The following COX10 variants were observed in gnomAD, a reference collection of about 807,000 sequenced individuals.
COX10 encodes protoheme IX farnesyltransferase, mitochondrial.
A neutral mutation model predicts 37.3 loss-of-function variants in COX10; 27 were observed. The ratio of observed to expected loss-of-function variants is 0.72; its 90% confidence interval spans 0.53 to 1.00. COX10 has a LOEUF of 1.00. Among genes scored for constraint, COX10 ranks in the 50% least tolerant of loss-of-function variants. COX10 has a pLI of 0.00. For synonymous variants in COX10, 222 were observed against 229.1 expected, an observed-to-expected ratio of 0.97 and a Z score of 0.28; for missense variants, 475 against 563.2, an observed-to-expected ratio of 0.84 and a Z score of 1.59.
In COX10 at chr17:14,176,574, A is replaced by C. The variant is rs565575290; in HGVS notation, c.696-15415A>C. 8.0e-4 allele frequency among the ~76,000 whole-genome samples: 122 copies of C among 152,296 alleles called. 1 individual carries two copies. The Middle Eastern group carries it at 0.01, about 13-fold the overall frequency. ...CTCTTAATTTAACTGAGTGATTCTC[A>C]AACTCTAGTGAACACAGTCATTATT... On this transcript the variant is annotated intron_variant, in intron 5 of 6. Coordinates refer to ENST00000261643, the MANE Select transcript of COX10 (RefSeq NM_001303.4).
intron 4 of COX10, among the ~76,000 whole-genome samples, chr17:14,113,096 C>T (rs1048979726): frequency 6.6e-6 from 1 of 152,162 alleles, no homozygotes; most frequent in African/African-American, 2.4e-5. Context: ...CTTTCGCTGT[C>T]CACGTCCGAA....
intron 5 of COX10, among the ~76,000 whole-genome samples, chr17:14,184,060 CTA>C (rs1485807823): frequency 6.6e-6 from 1 of 152,126 alleles, no homozygotes; most frequent in Non-Finnish European, 1.5e-5. Context: ...TAAGACAACT[CTA>C]TAATACCTCC....
intron 3 of COX10, among the ~76,000 whole-genome samples, chr17:14,086,894 G>A (rs151278011): frequency 1.1e-4 from 16 of 152,006 alleles, no homozygotes; most frequent in East Asian, 5.8e-4. Flanking sequence ...ATAATTTTCC[G>A]CTTCATTCTG....
At chr17:14,197,893 G>T (rs1265520756) in intron 6 of COX10, among the ~76,000 whole-genome samples, 1 of 152,194 alleles carries the variant, frequency 6.6e-6, no homozygotes, top group Non-Finnish European at 1.5e-5. Context: ...GTCTATAAAG[G>T]TAATCATTAT....
chr17:14,090,898 T>C (rs1219847572), intron 3 of COX10, among the ~76,000 whole-genome samples: 1 of 152,190 alleles, frequency 6.6e-6, no homozygotes, highest in East Asian at 1.9e-4. Context: ...GACTATTACA[T>C]TTCCATTGCC....
chr17:14,144,564 C>T lies in COX10; in HGVS notation c.625-15313C>T, dbSNP rs144848482. 1.3e-3 allele frequency among the ~76,000 whole-genome samples: 202 copies of T among 152,184 alleles called. 1 individual carries two copies. The highest frequency in any genetic ancestry group is 3.2e-3 in the African/African-American group (133 of 41,492). On this transcript the variant is annotated intron_variant, in intron 4 of 6. Transcript: ENST00000261643. ...TTTTGCAACCTAAATAGTCTGTTAA[C>T]GTTAGAAGTTTTTAGTGAGCTTTAA...
chr17:14,142,650 T>C (rs928721901), intron 4 of COX10, among the ~76,000 whole-genome samples: 2 of 152,226 alleles, frequency 1.3e-5, no homozygotes, highest in African/African-American at 4.8e-5. Context: ...TTTTCTTTAT[T>C]GGAAACTCTT....
At chr17:14,074,959 A>C (rs997086633) in intron 2 of COX10, among the ~76,000 whole-genome samples, 3 of 152,226 alleles carry the variant, frequency 2.0e-5, no homozygotes, top group Non-Finnish European at 4.4e-5. Context: ...AACATAAGTC[A>C]ATCCAGGTTG....
At chr17:14,148,984 A>G (rs534529302) in intron 4 of COX10, among the ~76,000 whole-genome samples, 40 of 148,306 alleles carry the variant, frequency 2.7e-4, no homozygotes, top group Admixed American at 5.4e-4. Flanking sequence ...ATAATATAAA[A>G]TGTATTGTTA....
chr17:14,120,829 G>A (rs781509725), intron 4 of COX10, among the ~76,000 whole-genome samples: 22 of 152,174 alleles, frequency 1.4e-4, no homozygotes, highest in Non-Finnish European at 2.8e-4. Context: ...AAGATTTGTG[G>A]AAGTTTGGCT....
intron 3 of COX10, among the ~76,000 whole-genome samples, chr17:14,090,060 C>G (rs1029130254): frequency 6.6e-6 from 1 of 151,862 alleles, no homozygotes; most frequent in Non-Finnish European, 1.5e-5. Context: ...CCGCTTGTCC[C>G]CTTCAGTGGG....
chr17:14,188,102 C>CTTTTTTTT (rs1157321131), intron 5 of COX10, among the ~76,000 whole-genome samples: 3 of 123,640 alleles, frequency 2.4e-5, no homozygotes, highest in African/African-American at 3.1e-5. Context: ...CCTTCTTCTT[C>CTTTTTTTT]TTTTTTTTTT....
At position 14,192,007 on chromosome 17, in the gene COX10, C is replaced by G. The variant is rs751930838; in HGVS notation, c.714C>G (p.Ser238=). Residue 238 remains serine, a synonymous_variant, in exon 6 of 7, where the codon TCC becomes TCG. Transcript: ENST00000261643. ...RGQISPLLAV[S]FATCCAVPGV... is the part of the protein sequence containing the mutation. ...TTTCCAGCCCATTGCTAGCTGTGTC[C>G]TTTGCCACTTGTTGTGCTGTTCCGG... The G allele has an allele frequency of 8.8e-5, 142 of 1,614,050 alleles. No individual in the cohort carries two copies. The highest frequency in any genetic ancestry group is 1.2e-4 in the Non-Finnish European group (138 of 1,180,044).
intron 5 of COX10, among the ~76,000 whole-genome samples, chr17:14,190,365 G>A (rs919354420): frequency 1.3e-5 from 2 of 152,292 alleles, no homozygotes; most frequent in Admixed American, 6.5e-5. Context: ...GAGGGTGCCT[G>A]AGTGAGTATT....
At chr17:14,130,809 T>C (rs1246990070) in intron 4 of COX10, among the ~76,000 whole-genome samples, 1 of 152,000 alleles carries the variant, frequency 6.6e-6, no homozygotes, top group Non-Finnish European at 1.5e-5. Context: ...GTTCCCCACC[T>C]TTTTCTTCTC....
intron 4 of COX10, among the ~76,000 whole-genome samples, chr17:14,104,505 T>A (rs1466371984): frequency 1.3e-5 from 2 of 152,144 alleles, no homozygotes; most frequent in Non-Finnish European, 2.9e-5. Context: ...CTATACTTTT[T>A]TTAGAGGGCT....
intron 5 of COX10, among the ~76,000 whole-genome samples, chr17:14,191,234 A>T (rs902761826): frequency 6.6e-6 from 1 of 151,640 alleles, no homozygotes; most frequent in Non-Finnish European, 1.5e-5. Flanking sequence ...ACAGGCTTAT[A>T]ATAATCATTA....
At chr17:14,191,879 C>A in intron 5 of COX10, 110 bp from the exon 6 acceptor site, 1 of 1,115,498 alleles carries the variant, frequency 9.0e-7, no homozygotes, top group African/African-American at 1.5e-5. Context: ...CAGATCAGTA[C>A]TGCCTCTACT....
At chr17:14,071,027 T>C (rs1915010503) in intron 1 of COX10, among the ~76,000 whole-genome samples, 1 of 152,240 alleles carries the variant, frequency 6.6e-6, no homozygotes, top group African/African-American at 2.4e-5. Context: ...TGTTGTTTGT[T>C]GTTTTTTAAA....
Sources: gnomAD v4.1 joint callset for allele counts (sites outside exome capture counted in the v4.1 genomes callset) on GRCh38, gnomAD v4.1.1 for gene constraint, MANE v1.5 for transcripts, NCBI Gene and HGNC (gene_info 2026-07-23, HGNC 2026-07-21) for gene names.